Variants in CUBN observed in about 807,000 individuals in gnomAD.
The protein encoded by CUBN is cubilin.
A neutral mutation model predicts 405.3 loss-of-function variants in CUBN; 282 were observed. The ratio of observed to expected loss-of-function variants is 0.70; its 90% CI spans 0.63 to 0.77. The LOEUF is 0.77. Ranked by LOEUF, CUBN falls within the 30% of genes least tolerant of loss-of-function variation. The pLI is 0.00. For missense variants in CUBN, 4,514 were observed against 4,475.2 expected (o/e 1.01, Z -0.25); for synonymous variants, 1,684 against 1,617.0 (o/e 1.04, Z -0.99).
Position 17,122,849 on chromosome 10 carries a change from G to A in CUBN, c.539C>T (p.Thr180Ile), listed in dbSNP as rs544863863. The A allele has an allele frequency of 1.9e-6, 3 of 1,613,452 alleles. No individual in the cohort carries two copies. The highest frequency in any genetic ancestry group is 1.1e-5 in the South Asian group (1 of 91,052). Residue 180 changes from threonine to isoleucine, a missense_variant, in exon 6 of 67, where the codon ACA (threonine) becomes ATA (isoleucine). Transcript: ENST00000377833. Reference protein sequence around the residue: ...DVNECEIYSGTPLSCQNGGTC... With the variant: ...DVNECEIYSGIPLSCQNGGTC... ...GCCTCCATTCTGGCAGCTCAAGGGT[G>A]TTCCTGAGTAAATCTCACATTCGTT...
chr10:16,901,339 G>T lies in CUBN; in HGVS notation c.8183C>A (p.Thr2728Asn). 6.2e-7 allele frequency: 1 copy of T among 1,614,160 alleles called. No individual in the cohort carries two copies. Among genetic ancestry groups the T allele is most frequent in the Non-Finnish European group, 8.5e-7 (1 of 1,180,008 alleles). ...TTTCACCCAGTCATTAGCACTCACAGTGATGGTGTGCCCTTGTGGGGCCTC... is the reference window on the plus strand; with the variant it reads ...TTTCACCCAGTCATTAGCACTCACATTGATGGTGTGCCCTTGTGGGGCCTC... ...LLEAPQGHTI[T>N]LTFSDFDIEP... Residue 2728 changes from threonine (T) to asparagine (N), a missense_variant and splice_region_variant, in exon 52 of 67, where the codon ACT (threonine) becomes AAT (asparagine). By Grantham distance (65) the Thr-to-Asn change is moderately conservative. Coordinates refer to ENST00000377833, the MANE Select transcript of CUBN (RefSeq NM_001081.4).
At chr10:16,878,459 T>A (rs1840577505) in intron 56 of CUBN, among the ~76,000 whole-genome samples, 1 of 152,192 alleles carries the variant, frequency 6.6e-6, no homozygotes, top group Admixed American at 6.6e-5. Context: ...TTTCTGTAAA[T>A]AAAAATATTG....
Position 17,061,093 on chromosome 10 carries a change from C to T in CUBN, c.3139+4415G>A, listed in dbSNP as rs1459593146. 2.6e-5 allele frequency among the ~76,000 whole-genome samples: 4 copies of T among 151,810 alleles called. No homozygotes were observed. The East Asian group carries it at 5.8e-4, about 22-fold the overall frequency. ...CAACAAAAACAACAACAAAAAAAAC[C>T]CAAAAACAAACAAACAAAAGTATTC... On this transcript the variant is annotated intron_variant, in intron 22 of 66. Transcript: ENST00000377833.
intron 61 of CUBN, 141 bp downstream of exon 61, chr10:16,840,744 A>G (rs1261656736): frequency 2.3e-6 from 2 of 862,018 alleles, no homozygotes; most frequent in Non-Finnish European, 3.8e-6. Flanking sequence ...GGTGTTTAGC[A>G]ATTGACATTG....
In CUBN at chr10:16,933,114, C is replaced by T. The variant is rs762211509; in HGVS notation, c.6097G>A (p.Ala2033Thr). Residue 2033 changes from alanine to threonine, a missense_variant, in exon 40 of 67, where the codon GCC (alanine) becomes ACC (threonine). By Grantham distance (58) the Ala-to-Thr change is moderately conservative (BLOSUM62 0). Coordinates refer to ENST00000377833, the MANE Select transcript of CUBN (RefSeq NM_001081.4). ...TCTCGTATCACAAGGCTATCATAGG[C>T]ACACGTTCGGTGAGATTCAATGTCC... ...SLDIESHRTC[A>T]YDSLVIRDGD... 2 of 1,613,936 alleles carry T rather than the reference C, an allele frequency of 1.2e-6. No homozygotes were observed. The highest frequency in any genetic ancestry group is 2.7e-5 in the African/African-American group (2 of 74,890).
chr10:16,910,024 T>G (rs561022937), intron 48 of CUBN, among the ~76,000 whole-genome samples: 1 of 152,296 alleles, frequency 6.6e-6, no homozygotes, highest in South Asian at 2.1e-4. Flanking sequence ...CCAGCAGATC[T>G]TCTTTCTTCT....
rs187829273 is a variant in CUBN, at chr10:17,011,775, C to T, written c.4168+8058G>A. 1.5e-3 allele frequency among the ~76,000 whole-genome samples: 223 copies of T among 152,226 alleles called. 1 individual carries two copies. The highest frequency in any genetic ancestry group is 4.0e-3 in the African/African-American group (167 of 41,538). ...TACAAACCTTTAGTTAGACACAGAG[C>T]GCAGATTGGTGTGTTTTTACAAAGT... On this transcript the variant is annotated intron_variant, in intron 28 of 66. Transcript: ENST00000377833.
At chr10:16,849,206 T>C (rs531258351) in intron 60 of CUBN, among the ~76,000 whole-genome samples, 6 of 152,192 alleles carry the variant, frequency 3.9e-5, no homozygotes, top group Admixed American at 1.3e-4. Context: ...ACCCATGCTT[T>C]GTAAAAGAAT....
chr10:17,034,719 G>C (rs1346589277), intron 27 of CUBN, among the ~76,000 whole-genome samples: 1 of 152,158 alleles, frequency 6.6e-6, no homozygotes, highest in Non-Finnish European at 1.5e-5. Flanking sequence ...CTTTTCAGTA[G>C]AGACTGCAAT....
chr10:16,847,827 C>G (rs1839564109), intron 60 of CUBN, among the ~76,000 whole-genome samples: 1 of 152,204 alleles, frequency 6.6e-6, no homozygotes, highest in Admixed American at 6.5e-5. Flanking sequence ...TATGATTTTA[C>G]TTGTGTATCT....
Position 16,824,258 on chromosome 10 carries a change from G to T in CUBN, c.*717C>A, listed in dbSNP as rs1273086771. ...TGTAAAAATCAGGTCTCACTTTGTT[G>T]CCCAGGCTGGTCTCAAACTCCTAGG... On this transcript the variant is annotated 3_prime_UTR_variant, in exon 67 of 67. Transcript: ENST00000377833. The T allele has an allele frequency of 6.6e-6, 1 of 152,056 alleles. No homozygotes were observed. Among genetic ancestry groups the T allele is most frequent in the East Asian group, 1.9e-4 (1 of 5,142 alleles). The allele number at this position is 152,056 out of a possible 1,614,324, so 9.4% of individuals were successfully genotyped here. A position where few individuals can be genotyped will look rare whatever the true frequency, so the allele number is the denominator to read the frequency against.
intron 19 of CUBN, among the ~76,000 whole-genome samples, chr10:17,069,095 G>A (rs1835679787): frequency 6.6e-6 from 1 of 152,098 alleles, no homozygotes; most frequent in South Asian, 2.1e-4. Flanking sequence ...CATTTTCAAA[G>A]TTCATCCACG....
At position 17,068,605 on chromosome 10, in the gene CUBN, C is replaced by T. The variant is rs1042319182; in HGVS notation, c.2791G>A (p.Ala931Thr). ...FMAKFSAEDL[A>T]CGEILTESTG... ...AAAAAAAAAGGGAACAGTCTCTTACCCAAATCCTCAGCACTGAACTTAGCC... is the reference window on the plus strand; with the variant it reads ...AAAAAAAAAGGGAACAGTCTCTTACTCAAATCCTCAGCACTGAACTTAGCC... Residue 931 changes from alanine (A) to threonine (T), a missense_variant and splice_region_variant, in exon 20 of 67, where the codon GCA becomes ACA. Ala to Thr is a moderately conservative substitution (Grantham distance 58, BLOSUM62 0). Transcript: ENST00000377833. 1.9e-6 allele frequency: 3 copies of T among 1,610,934 alleles called. No individual in the cohort carries two copies. Among genetic ancestry groups the T allele is most frequent in the East Asian group, 2.2e-5 (1 of 44,776 alleles).
At chr10:16,935,857 G>A (rs1842485747) in intron 39 of CUBN, among the ~76,000 whole-genome samples, 2 of 128,422 alleles carry the variant, frequency 1.6e-5, no homozygotes, top group South Asian at 2.5e-4. Flanking sequence ...TCCAGCCTGG[G>A]CGACAGAGCG....
chr10:16,848,780 C>T (rs1839594369), intron 60 of CUBN, among the ~76,000 whole-genome samples: 1 of 141,556 alleles, frequency 7.1e-6, no homozygotes, highest in African/African-American at 2.6e-5. Flanking sequence ...CGACTGACTG[C>T]AGCTTATACC....
At chr10:16,851,037 C>T (rs1186035514) in intron 60 of CUBN, among the ~76,000 whole-genome samples, 198 bp downstream of exon 60, 1 of 151,998 alleles carries the variant, frequency 6.6e-6, no homozygotes, top group Admixed American at 6.5e-5. Context: ...TTTGAGTCAC[C>T]CATATTAAAG....
rs552034694 is a variant in CUBN, at chr10:16,858,058, T to TA, written c.9455-6616dup. On this transcript the variant is annotated intron_variant, in intron 59 of 66. Coordinates refer to ENST00000377833, the MANE Select transcript of CUBN (RefSeq NM_001081.4). ...CAAAATTAAAAAACAATACCATTTA[T>TA]AATCATTACAAAAAAATGAAATATT... is the stretch of plus-strand genomic sequence containing the variant. 3.4e-3 allele frequency among the ~76,000 whole-genome samples: 516 copies of TA among 152,202 alleles called. 8 individuals carry two copies. The highest frequency in any genetic ancestry group is 0.012 in the African/African-American group (500 of 41,536).
At chr10:16,932,766 T>C (rs1288481859) in intron 40 of CUBN, among the ~76,000 whole-genome samples, 1 of 152,144 alleles carries the variant, frequency 6.6e-6, no homozygotes, top group East Asian at 1.9e-4. Context: ...AAACATAAAA[T>C]ATCAATATTT....
At chr10:17,035,054 T>C (rs1460345678) in intron 27 of CUBN, among the ~76,000 whole-genome samples, 1 of 145,446 alleles carries the variant, frequency 6.9e-6, no homozygotes, top group Non-Finnish European at 1.5e-5. Context: ...GATTCAAACT[T>C]CAAAACAAGA....
Sources: gnomAD v4.1 joint callset for allele counts (sites outside exome capture counted in the v4.1 genomes callset) on GRCh38, gnomAD v4.1.1 for gene constraint, MANE v1.5 for transcripts, NCBI Gene and HGNC (gene_info 2026-07-23, HGNC 2026-07-21) for gene names.